The following ZNF227 variants were observed in gnomAD, a reference collection of about 807,000 sequenced individuals.
ZNF227 encodes the protein zinc finger protein 227.
Under a neutral mutation model 13.2 loss-of-function variants are expected in ZNF227, and 12 were observed. The ratio of observed to expected loss-of-function variants is 0.91; its 90% CI spans 0.58 to 1.47. The LOEUF (loss-of-function observed/expected upper bound fraction) is 1.47. Among genes scored for constraint, ZNF227 ranks in the 40% most tolerant of loss-of-function variants. The probability of loss-of-function intolerance (pLI) is 0.00; values close to 1 mark genes in which losing one functional copy is unlikely to be tolerated. For synonymous variants in ZNF227, 338 were observed against 326.0 expected (o/e 1.04, Z -0.40); for missense variants, 885 against 967.5 (o/e 0.91, Z 1.13).
chr19:44,228,180 G>T (rs1973376689), intron 3 of ZNF227: 1 of 289,760 alleles, frequency 3.5e-6, no homozygotes, highest in Non-Finnish European at 6.3e-6. Flanking sequence ...GCAGTGAGCA[G>T]AGATTGCGCC....
At chr19:44,230,758 C>A (rs1488395445) in intron 5 of ZNF227, among the ~76,000 whole-genome samples, 2 of 151,166 alleles carry the variant, frequency 1.3e-5, no homozygotes, top group Non-Finnish European at 2.9e-5. Context: ...TTTGCATATT[C>A]CTCAGGTCTA....
rs1257973581 is a variant in ZNF227, at chr19:44,236,546, C to T, written c.2116C>T (p.His706Tyr). The change falls in exon 6 of 6, where the codon CAT becomes TAT. Residue 706 changes from histidine to tyrosine, a missense_variant. Coordinates refer to ENST00000313040, the MANE Select transcript of ZNF227 (RefSeq NM_182490.3). Reference sequence around the variant, plus strand: ...TGGTAGGAGCTTGAATCTTCGCCATCATCAGAGGGTCCACACGGGAGAGAA... The same window carrying T: ...TGGTAGGAGCTTGAATCTTCGCCATTATCAGAGGGTCCACACGGGAGAGAA... ...GFGRSLNLRHHQRVHTGEKPH... is the reference protein window; with the variant it reads ...GFGRSLNLRHYQRVHTGEKPH... The T allele has an allele frequency of 7.4e-6, 12 of 1,613,884 alleles. No individual in the cohort carries two copies. The highest frequency in any genetic ancestry group is 9.3e-6 in the Non-Finnish European group (11 of 1,180,004).
intron 5 of ZNF227, among the ~76,000 whole-genome samples, chr19:44,233,801 A>G (rs1042423865): frequency 2.6e-5 from 4 of 152,102 alleles, no homozygotes; most frequent in African/African-American, 9.7e-5. Context: ...GAGGCTGAGG[A>G]GGAGAATCTC....
chr19:44,233,482 GT>G (rs559523972), intron 5 of ZNF227, among the ~76,000 whole-genome samples: 1 of 152,036 alleles, frequency 6.6e-6, no homozygotes, highest in Non-Finnish European at 1.5e-5. Flanking sequence ...CAAAATGCGT[GT>G]TTTTTTCATG....
At chr19:44,230,660 A>C (rs1973683563) in intron 5 of ZNF227, among the ~76,000 whole-genome samples, 1 of 151,662 alleles carries the variant, frequency 6.6e-6, no homozygotes, top group African/African-American at 2.4e-5. Flanking sequence ...TCTATGTTTA[A>C]ATTTACCATT....
intron 4 of ZNF227, 176 bp downstream of exon 4, chr19:44,228,748 T>C (rs1431956248): frequency 2.7e-6 from 2 of 745,250 alleles, no homozygotes; most frequent in Non-Finnish European, 1.9e-6. Flanking sequence ...GGCAAAATTC[T>C]GTCCTTTTAA....
chr19:44,228,750 T>C lies in ZNF227; in HGVS notation c.187+178T>C, dbSNP rs537357517. Reference sequence around the variant, plus strand: ...GTCTTTCTGCTCAGGCAAAATTCTGTCCTTTTAAATTGCTGGTTCTCAACC... The same window carrying C: ...GTCTTTCTGCTCAGGCAAAATTCTGCCCTTTTAAATTGCTGGTTCTCAACC... On this transcript the variant is annotated intron_variant, in intron 4 of 5. Transcript: ENST00000313040. The C allele has an allele frequency of 2.2e-4, 156 of 699,162 alleles. 1 individual carries two copies. The South Asian group carries it at 6.6e-3, about 30-fold the overall frequency. 43.3% of individuals were successfully genotyped at this position (699,162 alleles called of 1,614,324 possible).
intron 3 of ZNF227, among the ~76,000 whole-genome samples, chr19:44,221,268 T>C (rs1972483734): frequency 6.6e-6 from 1 of 152,144 alleles, no homozygotes; most frequent in African/African-American, 2.4e-5. Flanking sequence ...GTCCTTTGGG[T>C]ATATACCCAG....
chr19:44,227,193 T>C (rs975705502), intron 3 of ZNF227: 1 of 152,194 alleles, frequency 6.6e-6, no homozygotes, highest in Admixed American at 6.5e-5. Context: ...GCTTGACATA[T>C]ATTCATTCAT....
Position 44,236,001 on chromosome 19 carries a change from C to T in ZNF227, c.1571C>T (p.Thr524Met), listed in dbSNP as rs1278252578. 27 of 1,610,578 alleles carry T rather than the reference C, an allele frequency of 1.7e-5. No individual in the cohort carries two copies. Among genetic ancestry groups the T allele is most frequent in the South Asian group, 3.3e-5 (3 of 90,906 alleles). The change falls in exon 6 of 6, where the codon ACG becomes ATG. Residue 524 changes from threonine (T) to methionine (M), a missense_variant. Physicochemically the swap from Thr to Met is moderately conservative, Grantham distance 81. Transcript: ENST00000313040. Reference protein sequence around the residue: ...HTGEKRFKCETCGKGFSQSSK... With the variant: ...HTGEKRFKCEMCGKGFSQSSK... ...GGGGAGAAACGATTCAAGTGTGAAA[C>T]GTGTGGGAAGGGCTTCAGTCAGTCC...
chr19:44,236,091 G>T lies in ZNF227; in HGVS notation c.1661G>T (p.Gly554Val). 6.2e-7 allele frequency: 1 copy of T among 1,614,022 alleles called. No individual in the cohort carries two copies. The highest frequency in any genetic ancestry group is 8.5e-7 in the Non-Finnish European group (1 of 1,179,974). The change falls in exon 6 of 6, where the codon GGT becomes GTT. Residue 554 changes from glycine to valine, a missense_variant. By Grantham distance (109) the Gly-to-Val change is moderately radical. Coordinates refer to ENST00000313040, the MANE Select transcript of ZNF227 (RefSeq NM_182490.3). ...GEKPYRCDVC[G>V]KDFSYSSNLK... ...AAACCATATAGATGTGATGTGTGTG[G>T]TAAGGACTTCAGTTATAGTTCAAAT...
chr19:44,234,649 G>C, intron 5 of ZNF227, 53 bp from the exon 6 acceptor site: 1 of 1,470,288 alleles, frequency 6.8e-7, no homozygotes, highest in Non-Finnish European at 9.1e-7. Flanking sequence ...TATTTCTGAA[G>C]AAAGCATTTA....
At chr19:44,213,912 A>G (rs1295518105) in intron 2 of ZNF227, among the ~76,000 whole-genome samples, 2 of 152,234 alleles carry the variant, frequency 1.3e-5, no homozygotes, top group African/African-American at 4.8e-5. Flanking sequence ...ATAGAGATGC[A>G]CTATCCAATC....
chr19:44,236,445 GTTC>G lies in ZNF227; in HGVS notation c.2016_2018del (p.Ser672_Ser673delinsArg). The stretch of plus-strand genomic sequence containing the variant: ...GTGTGTGGAAAGGGCTTTAGATACA[GTTC>G]GCAGTTTATATACCATCAGAGAGGC... On this transcript the variant is annotated inframe_deletion, in exon 6 of 6. Coordinates refer to ENST00000313040, the MANE Select transcript of ZNF227 (RefSeq NM_182490.3). 1 of 1,613,816 alleles carries G rather than the reference GTTC, an allele frequency of 6.2e-7. No individual in the cohort carries two copies. The highest frequency in any genetic ancestry group is 8.5e-7 in the Non-Finnish European group (1 of 1,179,950).
intron 3 of ZNF227, among the ~76,000 whole-genome samples, chr19:44,218,493 T>C (rs1972118802): frequency 6.6e-6 from 1 of 152,226 alleles, no homozygotes; most frequent in Non-Finnish European, 1.5e-5. Flanking sequence ...AATGACATGG[T>C]GTAATTTTAT....
Position 44,236,222 on chromosome 19 carries a change from C to T in ZNF227, c.1792C>T (p.His598Tyr). The T allele has an allele frequency of 6.2e-7, 1 of 1,614,074 alleles. No individual in the cohort carries two copies. Among genetic ancestry groups the T allele is most frequent in the Non-Finnish European group, 8.5e-7 (1 of 1,180,016 alleles). The stretch of plus-strand genomic sequence containing the variant: ...AAATCTTCATGCACATCAAAGAGTT[C>T]ACTCAGGAGAAAAACCCTATAAATG... ...RSNLHAHQRV[H>Y]SGEKPYKCEQ... The change falls in exon 6 of 6, where the codon CAC becomes TAC. Residue 598 changes from histidine to tyrosine, a missense_variant. Transcript: ENST00000313040.
chr19:44,211,393 G>A (rs1019096762), upstream of ZNF227, among the ~76,000 whole-genome samples: 3 of 152,220 alleles, frequency 2.0e-5, no homozygotes, highest in Non-Finnish European at 4.4e-5. Context: ...CTGCAAACAT[G>A]TACTGTAGTA....
At chr19:44,209,840 C>G (rs1971298476), upstream of ZNF227, among the ~76,000 whole-genome samples, 1 of 152,154 alleles carries the variant, frequency 6.6e-6, no homozygotes, top group Non-Finnish European at 1.5e-5. Context: ...CCCACCTCGG[C>G]CTCCCAAAGT....
chr19:44,208,910 C>A (rs182391915), upstream of ZNF227, among the ~76,000 whole-genome samples: 2 of 152,080 alleles, frequency 1.3e-5, no homozygotes, highest in African/African-American at 4.8e-5. Flanking sequence ...ATATTCACTG[C>A]TGTATATTTA....
Sources: gnomAD v4.1 joint callset for allele counts (sites outside exome capture counted in the v4.1 genomes callset) on GRCh38, gnomAD v4.1.1 for gene constraint, MANE v1.5 for transcripts, NCBI Gene and HGNC (gene_info 2026-07-23, HGNC 2026-07-21) for gene names.